The following KIRREL1 variants were observed in gnomAD, a reference collection of about 807,000 sequenced individuals.
KIRREL1 encodes kirre like nephrin family adhesion molecule 1.
Under a neutral mutation model 83.3 loss-of-function variants are expected in KIRREL1, and 25 were observed. That is an observed-to-expected ratio of 0.30 (90% confidence interval 0.22 to 0.42). KIRREL1 has a LOEUF of 0.42. KIRREL1 is among the 10% of genes least tolerant of loss of function. KIRREL1 has a pLI of 1.00. For synonymous variants in KIRREL1, 388 were observed against 410.4 expected (o/e 0.95, Z 0.66); for missense variants, 812 against 1,032.3 (o/e 0.79, Z 2.92).
At chr1:158,034,204 A>T (rs1571554092) in intron 1 of KIRREL1, among the ~76,000 whole-genome samples, 1 of 144,890 alleles carries the variant, frequency 6.9e-6, no homozygotes, top group Non-Finnish European at 1.5e-5. Flanking sequence ...CAGGAGGCGG[A>T]GCTTGCAGTG....
At chr1:157,996,550 G>A (rs535115265) in intron 1 of KIRREL1, among the ~76,000 whole-genome samples, 74 of 152,218 alleles carry the variant, frequency 4.9e-4, no homozygotes, top group African/African-American at 1.8e-3. Context: ...GGGGAGTAAA[G>A]GGTAAAGGGA....
At position 158,045,340 on chromosome 1, in the gene KIRREL1, G is replaced by A. The variant is rs80181306; in HGVS notation, c.53-30773G>A. Among the ~76,000 whole-genome samples, 33 of 152,332 alleles carry A rather than the reference G, an allele frequency of 2.2e-4. No homozygotes were observed. In the East Asian group the frequency reaches 6.0e-3, roughly 28 times the overall value. ...ACAGTCCCCAACAAGGACTGCCCTC[G>A]TTTCAGATGTCAGCTTCAAATTTGG... On this transcript the variant is annotated intron_variant, in intron 1 of 14. Coordinates refer to ENST00000359209, the MANE Select transcript of KIRREL1 (RefSeq NM_018240.7).
chr1:158,087,657 C>A, intron 5 of KIRREL1, 98 bp from the exon 6 acceptor site: 1 of 773,908 alleles, frequency 1.3e-6, no homozygotes, highest in Non-Finnish European at 2.1e-6. Context: ...ATTCCTAGAT[C>A]CCCGCCAGAG....
At chr1:158,084,076 G>A (rs2101634181) in intron 3 of KIRREL1, among the ~76,000 whole-genome samples, 1 of 152,266 alleles carries the variant, frequency 6.6e-6, no homozygotes, top group South Asian at 2.1e-4. Context: ...GTTACAGTGA[G>A]CTGAGATGGC....
chr1:158,049,431 C>T (rs191540698), intron 1 of KIRREL1, among the ~76,000 whole-genome samples: 41 of 152,232 alleles, frequency 2.7e-4, no homozygotes, highest in African/African-American at 8.9e-4. Context: ...GGGGGTGCAC[C>T]CGCACTGAGA....
rs193220311 is a variant in KIRREL1, at chr1:158,035,531, T to A, written c.53-40582T>A. 1.8e-3 allele frequency among the ~76,000 whole-genome samples: 276 copies of A among 152,310 alleles called. 3 individuals are homozygous for A. Among genetic ancestry groups the A allele is most frequent in the Middle Eastern group, 6.8e-3 (2 of 294 alleles). ...TGAGCACCTATTCTGCACAAGACACTGCTAGATATTCTACTTACTGTTGAC... is the reference window on the plus strand; with the variant it reads ...TGAGCACCTATTCTGCACAAGACACAGCTAGATATTCTACTTACTGTTGAC... On this transcript the variant is annotated intron_variant, in intron 1 of 14. Coordinates refer to ENST00000359209, the MANE Select transcript of KIRREL1 (RefSeq NM_018240.7).
chr1:158,042,669 G>A (rs1479278061), intron 1 of KIRREL1, among the ~76,000 whole-genome samples: 2 of 152,240 alleles, frequency 1.3e-5, no homozygotes, highest in South Asian at 2.1e-4. Context: ...AGGTAGGTAC[G>A]ACTATTCCCC....
chr1:158,040,375 CTG>C (rs1379470399), intron 1 of KIRREL1, among the ~76,000 whole-genome samples: 1 of 152,214 alleles, frequency 6.6e-6, no homozygotes, highest in African/African-American at 2.4e-5. Flanking sequence ...AAGAAAAAAA[CTG>C]TGACTTTAGA....
chr1:158,043,289 G>A (rs973489458), intron 1 of KIRREL1, among the ~76,000 whole-genome samples: 3 of 152,124 alleles, frequency 2.0e-5, no homozygotes, highest in African/African-American at 7.2e-5. Context: ...CATAGGCATG[G>A]GATATTTTTG....
chr1:158,069,232 G>A (rs550309577), intron 1 of KIRREL1, among the ~76,000 whole-genome samples: 43 of 152,242 alleles, frequency 2.8e-4, no homozygotes, highest in African/African-American at 9.1e-4. Context: ...GTGTGCGCAT[G>A]TGCTTGCTGG....
intron 1 of KIRREL1, among the ~76,000 whole-genome samples, chr1:158,063,523 T>G (rs1218945397): frequency 6.6e-6 from 1 of 152,212 alleles, no homozygotes; most frequent in African/African-American, 2.4e-5. Context: ...CACTTATTTG[T>G]TAACTAATTT....
intron 1 of KIRREL1, among the ~76,000 whole-genome samples, chr1:158,023,116 G>A (rs770861573): frequency 8.5e-5 from 13 of 152,074 alleles, no homozygotes; most frequent in African/African-American, 2.2e-4. Flanking sequence ...CTTTTTCTTC[G>A]GGCCTTGGAA....
intron 1 of KIRREL1, among the ~76,000 whole-genome samples, chr1:158,053,995 G>C (rs1296681789): frequency 6.6e-6 from 1 of 151,704 alleles, no homozygotes; most frequent in Admixed American, 6.6e-5. Flanking sequence ...GGTGGATCAC[G>C]AGGTCAGGAG....
At position 158,068,258 on chromosome 1, in the gene KIRREL1, G is replaced by A. The variant is rs927178175; in HGVS notation, c.53-7855G>A. On this transcript the variant is annotated intron_variant, in intron 1 of 14. Transcript: ENST00000359209. ...TAGAAACTTGTCTTTGGGGAATGCC[G>A]TTTGTCATTTCTCTCTCTTCGTCTG... 3.3e-5 allele frequency among the ~76,000 whole-genome samples: 5 copies of A among 152,154 alleles called. 1 individual carries two copies. The highest frequency in any genetic ancestry group is 4.1e-4 in the South Asian group (2 of 4,828).
rs143492342 is a variant in KIRREL1, at chr1:158,091,519, C to T, written c.1434C>T (p.Phe478=). The T allele has an allele frequency of 1.3e-3, 2,074 of 1,614,210 alleles. 4 individuals carry two copies. Among genetic ancestry groups the T allele is most frequent in the Non-Finnish European group, 1.6e-3 (1,831 of 1,180,038 alleles). ...ACAACTGCACCGCCTGGAACAGCTTCGGGCCAGGCACAGCCATCATCCAGC... is the reference window on the plus strand; with the variant it reads ...ACAACTGCACCGCCTGGAACAGCTTTGGGCCAGGCACAGCCATCATCCAGC... The part of the protein sequence containing the change: ...THYNCTAWNS[F]GPGTAIIQLE... The change falls in exon 11 of 15, where the codon TTC becomes TTT. Residue 478 remains phenylalanine (F), a synonymous_variant. Coordinates refer to ENST00000359209, the MANE Select transcript of KIRREL1 (RefSeq NM_018240.7).
intron 1 of KIRREL1, among the ~76,000 whole-genome samples, chr1:158,072,393 TGGTGATGGGCTTGACTATAAGTG>T (rs1453479303): frequency 1.3e-5 from 2 of 152,174 alleles, no homozygotes; most frequent in Non-Finnish European, 2.9e-5. Context: ...GCCCTGCACC[TGGTGATGGGCTTGACTATAAGTG>T]GCACAGTCCA....
intron 3 of KIRREL1, among the ~76,000 whole-genome samples, chr1:158,083,251 G>T (rs1283329094): frequency 1.3e-5 from 2 of 152,226 alleles, no homozygotes; most frequent in African/African-American, 4.8e-5. Context: ...GTGAGACAGG[G>T]TTGCTGTTTT....
chr1:158,057,156 C>A (rs1661088023), intron 1 of KIRREL1, among the ~76,000 whole-genome samples: 1 of 152,068 alleles, frequency 6.6e-6, no homozygotes, highest in Admixed American at 6.5e-5. Context: ...AGGTGTGAGT[C>A]CCTGCCCCCA....
chr1:158,073,099 A>T (rs1369605770), intron 1 of KIRREL1, among the ~76,000 whole-genome samples: 2 of 152,044 alleles, frequency 1.3e-5, no homozygotes, highest in African/African-American at 2.4e-5. Context: ...TATATTTGGG[A>T]TTCTATGTTG....
Sources: allele counts gnomAD v4.1 joint callset (sites outside exome capture counted in the v4.1 genomes callset), GRCh38; gene constraint gnomAD v4.1.1; transcripts MANE v1.5; gene names NCBI Gene and HGNC (gene_info 2026-07-23, HGNC 2026-07-21).